The following ZSCAN25 variants were observed in gnomAD, a reference collection of about 807,000 sequenced individuals.
ZSCAN25 encodes zinc finger and SCAN domain-containing protein 25.
Under a neutral mutation model 38.7 loss-of-function variants are expected in ZSCAN25, and 27 were observed. The observed-to-expected ratio is 0.70, with a 90% CI of 0.51 to 0.96. The LOEUF (loss-of-function observed/expected upper bound fraction) is 0.96, where lower values mean the gene tolerates loss of function less well. Ranked by LOEUF, ZSCAN25 falls within the 40% of genes least tolerant of loss-of-function variation. ZSCAN25 has a pLI of 0.00. For missense variants in ZSCAN25, 637 were observed against 705.9 expected, an observed-to-expected ratio of 0.90 and a Z score of 1.11; for synonymous variants, 273 against 277.7, an observed-to-expected ratio of 0.98 and a Z score of 0.17.
the ZSCAN25 span, among the ~76,000 whole-genome samples, chr7:99,647,294 T>G: frequency 6.6e-6 from 1 of 152,208 alleles, no homozygotes; most frequent in Non-Finnish European, 1.5e-5. Context: ...GGAATCTGAC[T>G]TGGAGCCACC....
the ZSCAN25 span, among the ~76,000 whole-genome samples, chr7:99,678,797 G>A: frequency 6.6e-6 from 1 of 152,212 alleles, no homozygotes; most frequent in Non-Finnish European, 1.5e-5. Flanking sequence ...GAGGTTTATA[G>A]TGTCTATTTT....
chr7:99,636,163 G>A (rs193182570), downstream of ZSCAN25, among the ~76,000 whole-genome samples: 155 of 151,564 alleles, frequency 1.0e-3, no homozygotes, highest in Non-Finnish European at 1.7e-3. Flanking sequence ...CATTGATGTT[G>A]GATAACCCAT....
chr7:99,660,596 G>T, the ZSCAN25 span: 3 of 1,613,894 alleles, frequency 1.9e-6, no homozygotes, highest in Non-Finnish European at 2.5e-6. Flanking sequence ...AACACTGCTG[G>T]TGGTTTCATA....
At chr7:99,730,500 A>T in the ZSCAN25 span, 1 of 155,636 alleles carries the variant, frequency 6.4e-6, no homozygotes, top group African/African-American at 2.4e-5. Context: ...GGTTAAAGCC[A>T]TGGAAATTCC....
chr7:99,672,001 T>C, the ZSCAN25 span: 1 of 593,530 alleles, frequency 1.7e-6, no homozygotes, highest in Non-Finnish European at 3.0e-6. Context: ...TCCTGTACTA[T>C]AGTATTAGGT....
the ZSCAN25 span, chr7:99,652,383 T>G: frequency 2.3e-5 from 12 of 512,268 alleles, no homozygotes; most frequent in East Asian, 3.2e-5. Context: ...GTAGTTTCGT[T>G]TTTTCTAGTC....
chr7:99,664,928 G>A, the ZSCAN25 span, among the ~76,000 whole-genome samples: 1 of 152,182 alleles, frequency 6.6e-6, no homozygotes, highest in East Asian at 1.9e-4. Flanking sequence ...GCAGAAAGTT[G>A]ATTATTGGAT....
chr7:99,656,511 C>T, the ZSCAN25 span, among the ~76,000 whole-genome samples: 1 of 152,058 alleles, frequency 6.6e-6, no homozygotes, highest in Non-Finnish European at 1.5e-5. Context: ...TTTTGTATCA[C>T]TGTTCATCAG....
chr7:99,668,230 G>A, the ZSCAN25 span, among the ~76,000 whole-genome samples: 2 of 152,188 alleles, frequency 1.3e-5, no homozygotes, highest in East Asian at 1.9e-4. Context: ...AACAAAAGAT[G>A]TACAGGACCT....
chr7:99,714,651 T>C, the ZSCAN25 span: 1 of 1,612,984 alleles, frequency 6.2e-7, no homozygotes, highest in Non-Finnish European at 8.5e-7. Flanking sequence ...TATTTAATGC[T>C]TCAAGAATTG....
the ZSCAN25 span, among the ~76,000 whole-genome samples, chr7:99,654,603 G>C: frequency 1.3e-5 from 2 of 152,186 alleles, no homozygotes; most frequent in Non-Finnish European, 2.9e-5. Context: ...ACCCAGTAAT[G>C]GGATGGCTGG....
chr7:99,634,149 T>C (rs1233736165), downstream of ZSCAN25, among the ~76,000 whole-genome samples: 1 of 152,184 alleles, frequency 6.6e-6, no homozygotes, highest in Non-Finnish European at 1.5e-5. Flanking sequence ...CTGTTGTCCT[T>C]TGCAAGAGAA....
Position 99,629,481 on chromosome 7 carries a change from C to T in ZSCAN25, c.1096C>T (p.His366Tyr). 1 of 1,614,252 alleles carries T rather than the reference C, an allele frequency of 6.2e-7. No homozygotes were observed. The highest frequency in any genetic ancestry group is 8.5e-7 in the Non-Finnish European group (1 of 1,180,048). The change falls in exon 8 of 8, where the codon CAC becomes TAC. Residue 366 changes from histidine (H) to tyrosine (Y), a missense_variant. Coordinates refer to ENST00000394152, the MANE Select transcript of ZSCAN25 (RefSeq NM_145115.3). The surrounding 1 kb of genome is among the most constrained non-coding windows in gnomAD (Gnocchi z 5.6). The part of the protein sequence containing the change: ...GFSRSSNLVR[H>Y]QRTHEEKSYG... ...CAGTCGGAGCTCCAATCTCGTCAGG[C>T]ACCAGCGAACCCACGAAGAGAAGTC...
At chr7:99,679,973 T>G in the ZSCAN25 span, 1 of 1,306,314 alleles carries the variant, frequency 7.7e-7, no homozygotes, top group African/African-American at 1.5e-5. Context: ...GCTGTTTGCC[T>G]GGAGCTTCCC....
In ZSCAN25 at chr7:99,629,376, G is replaced by A; in HGVS notation, c.991G>A (p.Ala331Thr). Residue 331 changes from alanine to threonine, a missense_variant, in exon 8 of 8, where the codon GCC becomes ACC. Physicochemically the swap from Ala to Thr is moderately conservative, Grantham distance 58. Coordinates refer to ENST00000394152, the MANE Select transcript of ZSCAN25 (RefSeq NM_145115.3). The surrounding 1 kb of genome is among the most constrained non-coding windows in gnomAD (Gnocchi z 5.6). ...APGLPPPQHG[A>T]IPLPDEVKTH... ...TGGGCTTCCTCCTCCCCAGCACGGTGCCATCCCCCTGCCTGACGAAGTCAA... is the reference window on the plus strand; with the variant it reads ...TGGGCTTCCTCCTCCCCAGCACGGTACCATCCCCCTGCCTGACGAAGTCAA... 1 of 1,614,158 alleles carries A rather than the reference G, an allele frequency of 6.2e-7. No homozygotes were observed. The highest frequency in any genetic ancestry group is 1.7e-5 in the Admixed American group (1 of 60,018).
the ZSCAN25 span, among the ~76,000 whole-genome samples, chr7:99,689,071 A>G: frequency 6.6e-6 from 1 of 152,256 alleles, no homozygotes; most frequent in African/African-American, 2.4e-5. Context: ...AGCAGGAAAG[A>G]TCCAAAATTG....
the ZSCAN25 span, among the ~76,000 whole-genome samples, chr7:99,736,425 G>C: frequency 3.4e-3 from 519 of 152,316 alleles, 1 homozygote; most frequent in Non-Finnish European, 6.1e-3. Flanking sequence ...GAGAGCAGGT[G>C]CCAGGAGCTG....
intron 7 of ZSCAN25, among the ~76,000 whole-genome samples, chr7:99,628,126 C>T (rs999520493): frequency 4.6e-5 from 7 of 152,022 alleles, no homozygotes; most frequent in African/African-American, 1.7e-4. Context: ...ATTTTTTAGC[C>T]AGCGCTGGAT....
the ZSCAN25 span, among the ~76,000 whole-genome samples, chr7:99,673,452 T>C: frequency 1.3e-5 from 2 of 152,368 alleles, no homozygotes; most frequent in Middle Eastern, 6.8e-3. Context: ...GGTTTAATAA[T>C]ATTCAGCATC....
Sources: gnomAD v4.1 joint callset for allele counts (sites outside exome capture counted in the v4.1 genomes callset) on GRCh38, gnomAD v4.1.1 for gene constraint, Gnocchi (gnomAD v3.1) non-coding constraint, MANE v1.5 for transcripts, NCBI Gene and HGNC (gene_info 2026-07-23, HGNC 2026-07-21) for gene names.